GRIK2: variants seen among roughly 807,000 people sequenced by gnomAD.
GRIK2 encodes glutamate receptor ionotropic, kainate 2.
A neutral mutation model predicts 100.3 loss-of-function variants in GRIK2; 32 were observed. The observed-to-expected ratio is 0.32, with a 90% CI of 0.24 to 0.43. The LOEUF is 0.43. GRIK2 is among the 20% of genes least tolerant of loss of function. The pLI is 1.00. For missense variants in GRIK2, 843 were observed against 1,114.9 expected, an observed-to-expected ratio of 0.76 and a Z score of 3.47; for synonymous variants, 417 against 389.4, an observed-to-expected ratio of 1.07 and a Z score of -0.83.
At chr6:101,752,273 T>C (rs1305822750) in intron 7 of GRIK2, among the ~76,000 whole-genome samples, 1 of 152,182 alleles carries the variant, frequency 6.6e-6, no homozygotes, top group East Asian at 1.9e-4. Context: ...CTCAAAATAA[T>C]TTTGACTCTG....
chr6:101,565,654 T>TTA (rs1438700976), intron 2 of GRIK2, among the ~76,000 whole-genome samples: 1 of 151,780 alleles, frequency 6.6e-6, no homozygotes, highest in African/African-American at 2.4e-5. Context: ...CTACTTTATT[T>TTA]TAGGGATTAG....
intron 12 of GRIK2, among the ~76,000 whole-genome samples, chr6:101,918,641 A>C (rs1288828023): frequency 6.6e-6 from 1 of 151,766 alleles, no homozygotes; most frequent in Non-Finnish European, 1.5e-5. Context: ...TTAGAAATAA[A>C]TATTCAGCTC....
chr6:101,858,583 G>A (rs1274825744), intron 10 of GRIK2, among the ~76,000 whole-genome samples: 6 of 151,534 alleles, frequency 4.0e-5, no homozygotes, highest in African/African-American at 1.5e-4. Flanking sequence ...TAGAGATGGG[G>A]TTTCACCGTG....
At chr6:101,486,569 G>A (rs1772846400) in intron 2 of GRIK2, among the ~76,000 whole-genome samples, 1 of 152,044 alleles carries the variant, frequency 6.6e-6, no homozygotes, top group Non-Finnish European at 1.5e-5. Flanking sequence ...CCAATTCTTT[G>A]GTGGATGAAG....
At chr6:101,906,354 A>G (rs1335072922) in intron 12 of GRIK2, among the ~76,000 whole-genome samples, 1 of 29,906 alleles carries the variant, frequency 3.3e-5, no homozygotes, top group Non-Finnish European at 9.8e-5. Context: ...AATCATAACT[A>G]TAAAACAAGA....
chr6:102,015,116 G>C (rs1169348271), intron 14 of GRIK2, among the ~76,000 whole-genome samples: 1 of 151,936 alleles, frequency 6.6e-6, no homozygotes, highest in Non-Finnish European at 1.5e-5. Context: ...TAGGAATCTG[G>C]GTGCTCCTAT....
At chr6:101,879,137 CA>C in intron 11 of GRIK2, among the ~76,000 whole-genome samples, 1 of 152,120 alleles carries the variant, frequency 6.6e-6, no homozygotes, top group East Asian at 1.9e-4. Flanking sequence ...TGAAAGTACA[CA>C]ACTTCTGCTT....
At chr6:101,680,910 G>A (rs1316987868) in intron 5 of GRIK2, among the ~76,000 whole-genome samples, 2 of 152,026 alleles carry the variant, frequency 1.3e-5, no homozygotes. Flanking sequence ...ATATTATTTG[G>A]TAATTTGATA....
chr6:101,670,809 C>G (rs774563491), intron 4 of GRIK2, among the ~76,000 whole-genome samples: 1 of 152,070 alleles, frequency 6.6e-6, no homozygotes, highest in Non-Finnish European at 1.5e-5. Flanking sequence ...GACAAACAGC[C>G]ATTTACTGAG....
intron 7 of GRIK2, among the ~76,000 whole-genome samples, chr6:101,720,731 G>GA (rs1774420950): frequency 6.7e-6 from 1 of 149,390 alleles, no homozygotes; most frequent in Admixed American, 6.7e-5. Flanking sequence ...GGTCCTAGAA[G>GA]GAAAAAAAAA....
At chr6:101,848,031 C>A (rs1783907685) in intron 10 of GRIK2, among the ~76,000 whole-genome samples, 2 of 152,096 alleles carry the variant, frequency 1.3e-5, no homozygotes, top group South Asian at 4.1e-4. Context: ...TTGAGCCCAT[C>A]CCTCTGGGAG....
intron 2 of GRIK2, among the ~76,000 whole-genome samples, chr6:101,575,731 C>T (rs1017737161): frequency 3.3e-5 from 5 of 151,928 alleles, no homozygotes; most frequent in Admixed American, 2.6e-4. Flanking sequence ...ATCTTTACAC[C>T]GTAAACCATA....
chr6:101,973,575 A>G (rs932862223), intron 14 of GRIK2, among the ~76,000 whole-genome samples: 1 of 151,894 alleles, frequency 6.6e-6, no homozygotes, highest in Non-Finnish European at 1.5e-5. Flanking sequence ...ATCTTTATGA[A>G]CCTCAAGATG....
intron 1 of GRIK2, among the ~76,000 whole-genome samples, chr6:101,394,138 C>T (rs1774909860): frequency 6.6e-6 from 1 of 152,140 alleles, no homozygotes; most frequent in South Asian, 2.1e-4. Context: ...AGGAAGTGGC[C>T]TCAGCTACGG....
chr6:101,602,464 A>G lies in GRIK2; in HGVS notation c.116-19485A>G, dbSNP rs144611072. Among the ~76,000 whole-genome samples the G allele has an allele frequency of 4.7e-3, 713 of 151,532 alleles. 2 individuals carry two copies. Among genetic ancestry groups the G allele is most frequent in the Middle Eastern group, 0.014 (4 of 294 alleles). On this transcript the variant is annotated intron_variant, in intron 2 of 16. Transcript: ENST00000369134. The stretch of plus-strand genomic sequence containing the variant: ...TTTTTCTAATAGTCTAAGATACTAG[A>G]TAATACCTCTTAAGCAGAAATTATT...
At chr6:101,829,693 C>A (rs779682860) in intron 10 of GRIK2, among the ~76,000 whole-genome samples, 1 of 151,524 alleles carries the variant, frequency 6.6e-6, no homozygotes, top group East Asian at 1.9e-4. Context: ...TTAAAAAATG[C>A]GAAATGTCTT....
chr6:101,674,179 C>A (rs6920826), intron 4 of GRIK2, among the ~76,000 whole-genome samples: 4 of 151,668 alleles, frequency 2.6e-5, no homozygotes, highest in Non-Finnish European at 5.9e-5. Context: ...CGTATGACAC[C>A]TAAAACCAGG....
At chr6:101,918,576 T>A (rs1395535977) in intron 12 of GRIK2, among the ~76,000 whole-genome samples, 2 of 151,812 alleles carry the variant, frequency 1.3e-5, no homozygotes, top group Non-Finnish European at 2.9e-5. Flanking sequence ...CAATATGTAG[T>A]TTGAAAACGG....
intron 2 of GRIK2, among the ~76,000 whole-genome samples, chr6:101,498,899 T>A (rs998470772): frequency 5.3e-5 from 8 of 152,172 alleles, no homozygotes; most frequent in Non-Finnish European, 1.0e-4. Context: ...AATTTTGGCT[T>A]TTGTTGCCAT....
Sources: gnomAD v4.1 joint callset for allele counts (sites outside exome capture counted in the v4.1 genomes callset) on GRCh38, gnomAD v4.1.1 for gene constraint, MANE v1.5 for transcripts, NCBI Gene and HGNC (gene_info 2026-07-23, HGNC 2026-07-21) for gene names.